The following MAPKAP1 variants were observed in gnomAD, a reference collection of about 807,000 sequenced individuals.
MAPKAP1 encodes the protein MAPK associated protein 1.
Under a neutral mutation model 65.7 loss-of-function variants are expected in MAPKAP1, and 20 were observed. The observed-to-expected ratio is 0.30, with a 90% CI of 0.21 to 0.44. MAPKAP1 has a LOEUF of 0.44. Among genes scored for constraint, MAPKAP1 ranks in the 20% least tolerant of loss-of-function variants. The pLI is 1.00. For missense variants in MAPKAP1, 423 were observed against 648.0 expected (o/e 0.65, Z 3.77); for synonymous variants, 222 against 244.3 (o/e 0.91, Z 0.85).
chr9:125,585,760 ACACTGCCAGTTATACAGACCC>A (rs1384746330), intron 4 of MAPKAP1, 33 bp from the exon 5 acceptor site: 2 of 1,605,696 alleles, frequency 1.2e-6, no homozygotes, highest in Admixed American at 3.3e-5. Flanking sequence ...AGAGCAAAGC[ACACTGCCAGTTATACAGACCC>A]CACTGCTCTC....
chr9:125,485,865 A>C (rs1315631813), intron 8 of MAPKAP1, among the ~76,000 whole-genome samples: 6 of 152,112 alleles, frequency 3.9e-5, no homozygotes, highest in African/African-American at 1.4e-4. Flanking sequence ...TCTGAATTTC[A>C]GTTTTTGCCA....
At chr9:125,458,424 G>C (rs1038779522) in intron 10 of MAPKAP1, among the ~76,000 whole-genome samples, 1 of 151,834 alleles carries the variant, frequency 6.6e-6, no homozygotes, top group African/African-American at 2.4e-5. Flanking sequence ...GACTCTTAAC[G>C]AGCATGCTGC....
chr9:125,489,977 T>C (rs1340491034), intron 8 of MAPKAP1, among the ~76,000 whole-genome samples: 1 of 152,180 alleles, frequency 6.6e-6, no homozygotes, highest in African/African-American at 2.4e-5. Flanking sequence ...TGCCTTCTCC[T>C]TTCCCTTCCC....
intron 4 of MAPKAP1, among the ~76,000 whole-genome samples, chr9:125,637,985 T>C (rs535812353): frequency 6.6e-6 from 1 of 152,318 alleles, no homozygotes; most frequent in Admixed American, 6.5e-5. Context: ...TTGGCCAGGC[T>C]GGTCTCGATC....
chr9:125,463,230 C>T (rs543649131), intron 10 of MAPKAP1, among the ~76,000 whole-genome samples: 8 of 152,348 alleles, frequency 5.3e-5, no homozygotes, highest in African/African-American at 1.4e-4. Flanking sequence ...AGGAAATCTG[C>T]GACTGCAGGG....
intron 10 of MAPKAP1, among the ~76,000 whole-genome samples, chr9:125,451,557 G>A (rs1047917423): frequency 1.1e-4 from 17 of 152,094 alleles, no homozygotes; most frequent in African/African-American, 4.1e-4. Context: ...ACCTCCACAT[G>A]GCCCCCAGTG....
At chr9:125,686,565 G>A (rs1370030120) in intron 1 of MAPKAP1, among the ~76,000 whole-genome samples, 1 of 152,088 alleles carries the variant, frequency 6.6e-6, no homozygotes, top group East Asian at 1.9e-4. Flanking sequence ...GGAAAAGGAG[G>A]ATGTGACTGG....
intron 7 of MAPKAP1, among the ~76,000 whole-genome samples, chr9:125,516,174 A>G (rs1372030214): frequency 2.6e-5 from 4 of 152,116 alleles, no homozygotes; most frequent in Non-Finnish European, 5.9e-5. Context: ...CTTTCAAACC[A>G]CTGCACTGGG....
intron 11 of MAPKAP1, among the ~76,000 whole-genome samples, chr9:125,442,327 C>T (rs1326622975): frequency 6.6e-6 from 1 of 152,000 alleles, no homozygotes; most frequent in African/African-American, 2.4e-5. Flanking sequence ...ACAGACCTCA[C>T]GGATTTTGCA....
rs149866780 is a variant in MAPKAP1 at position 125,485,792 on chromosome 9, C to T, written c.1067-1209G>A. ...ACTGGACCCTGGAGCCCGACAGCTGCGGCCGCAACTCCTAGCTCTGCCTCT... is the reference window on the plus strand; with the variant it reads ...ACTGGACCCTGGAGCCCGACAGCTGTGGCCGCAACTCCTAGCTCTGCCTCT... On this transcript the variant is annotated intron_variant, in intron 8 of 11. Coordinates refer to ENST00000265960, the MANE Select transcript of MAPKAP1 (RefSeq NM_001006617.3). Among the ~76,000 whole-genome samples, 76 of 152,322 alleles carry T rather than the reference C, an allele frequency of 5.0e-4. No homozygotes were observed. In the East Asian group the frequency reaches 0.011, roughly 22 times the overall value.
rs1588057259 is a variant in MAPKAP1 at position 125,669,764 on chromosome 9, T to C, written c.349+54A>G. ...TGAATTAAAAATAAAAGTTCTTATA[T>C]AATAAACTAAATATATAAATCTCAA... On this transcript the variant is annotated intron_variant, in intron 3 of 11. Coordinates refer to ENST00000265960, the MANE Select transcript of MAPKAP1 (RefSeq NM_001006617.3). 15 of 926,172 alleles carry C rather than the reference T, an allele frequency of 1.6e-5. 1 individual carries two copies. In the South Asian group the frequency reaches 2.4e-4, roughly 15 times the overall value. The allele number at this position is 926,172 out of a possible 1,614,324, so 57.4% of individuals were successfully genotyped here.
At chr9:125,635,366 T>C (rs1324108732) in intron 4 of MAPKAP1, among the ~76,000 whole-genome samples, 3 of 152,232 alleles carry the variant, frequency 2.0e-5, no homozygotes, top group Non-Finnish European at 2.9e-5. Context: ...CAGTGAGTTC[T>C]CTCCATTTCC....
intron 7 of MAPKAP1, among the ~76,000 whole-genome samples, chr9:125,533,632 G>T (rs1829995415): frequency 6.6e-6 from 1 of 152,180 alleles, no homozygotes; most frequent in African/African-American, 2.4e-5. Context: ...TGTATTTTTA[G>T]TAGAGACGAG....
intron 1 of MAPKAP1, among the ~76,000 whole-genome samples, chr9:125,700,662 A>G (rs547072089): frequency 7.9e-5 from 12 of 152,312 alleles, no homozygotes; most frequent in African/African-American, 2.9e-4. Context: ...CAATATATCT[A>G]GACTGCTGCC....
At chr9:125,643,246 G>A (rs1030108038) in intron 4 of MAPKAP1, among the ~76,000 whole-genome samples, 1 of 151,724 alleles carries the variant, frequency 6.6e-6, no homozygotes, top group Non-Finnish European at 1.5e-5. Flanking sequence ...CCAGGCTGGA[G>A]TGCAATGGTG....
At chr9:125,444,638 T>C in intron 10 of MAPKAP1, 40 bp from the exon 11 acceptor site, 1 of 1,456,400 alleles carries the variant, frequency 6.9e-7, no homozygotes. Flanking sequence ...TTCTGGTGAG[T>C]TAACTATGGC....
chr9:125,610,255 C>CTA (rs1832559884), intron 4 of MAPKAP1, among the ~76,000 whole-genome samples: 1 of 152,160 alleles, frequency 6.6e-6, no homozygotes, highest in South Asian at 2.1e-4. Context: ...AACTATTTTA[C>CTA]TATAGGACTT....
chr9:125,444,223 T>C (rs909142139), intron 11 of MAPKAP1, among the ~76,000 whole-genome samples: 1 of 152,142 alleles, frequency 6.6e-6, no homozygotes, highest in Non-Finnish European at 1.5e-5. Flanking sequence ...AATAAACAAA[T>C]ACAGGAAGAG....
chr9:125,674,205 T>C (rs1834578617), intron 1 of MAPKAP1, among the ~76,000 whole-genome samples: 1 of 151,834 alleles, frequency 6.6e-6, no homozygotes, highest in Non-Finnish European at 1.5e-5. Flanking sequence ...CTTCAGGAGA[T>C]AATGCAGGTA....
Sources: allele counts gnomAD v4.1 joint callset (sites outside exome capture counted in the v4.1 genomes callset), GRCh38; gene constraint gnomAD v4.1.1; transcripts MANE v1.5; gene names NCBI Gene and HGNC (gene_info 2026-07-23, HGNC 2026-07-21).